MRPL1: variants seen among roughly 807,000 people sequenced by gnomAD.
The protein encoded by MRPL1 is large ribosomal subunit protein uL1m.
Under a neutral mutation model 38.0 loss-of-function variants are expected in MRPL1, and 28 were observed. That is an observed-to-expected ratio of 0.74 (90% CI 0.55 to 1.01). The LOEUF is 1.01. MRPL1 is among the 50% of genes least tolerant of loss of function. The pLI, the probability that MRPL1 is intolerant of heterozygous loss-of-function variation, is 0.00. For synonymous variants in MRPL1, 123 were observed against 126.7 expected (o/e 0.97, Z 0.20); for missense variants, 358 against 389.8 (o/e 0.92, Z 0.69).
At chr4:77,887,321 A>G (rs760430369) in intron 5 of MRPL1, 30 bp downstream of exon 5, 2 of 1,508,410 alleles carry the variant, frequency 1.3e-6, no homozygotes, top group Admixed American at 3.3e-5. Flanking sequence ...TTCATTAAGT[A>G]TAGAGATGAT....
intron 7 of MRPL1, among the ~76,000 whole-genome samples, chr4:77,941,222 G>A (rs1297781199): frequency 2.0e-5 from 3 of 150,838 alleles, no homozygotes; most frequent in Non-Finnish European, 2.9e-5. Flanking sequence ...CCAGGATCAC[G>A]CAATTGCACT....
chr4:77,883,186 TA>T (rs146792115), intron 2 of MRPL1, 55 bp from the exon 3 acceptor site: 107 of 1,121,406 alleles, frequency 9.5e-5, no homozygotes, highest in African/African-American at 4.1e-4. Context: ...GCTTTTTTTT[TA>T]AAAAAAATCT....
At chr4:77,892,383 C>T (rs1299202280) in intron 5 of MRPL1, among the ~76,000 whole-genome samples, 1 of 152,086 alleles carries the variant, frequency 6.6e-6, no homozygotes, top group Non-Finnish European at 1.5e-5. Context: ...TCCAACCTTC[C>T]TCGGCCTCCC....
intron 3 of MRPL1, 103 bp downstream of exon 3, chr4:77,883,603 C>A: frequency 8.3e-7 from 1 of 1,210,266 alleles, no homozygotes; most frequent in Non-Finnish European, 1.1e-6. Flanking sequence ...GAGACAGGGT[C>A]TTCTTGCCGT....
intron 6 of MRPL1, among the ~76,000 whole-genome samples, chr4:77,895,893 T>C (rs984278683): frequency 6.6e-5 from 10 of 152,156 alleles, no homozygotes; most frequent in Non-Finnish European, 1.5e-4. Flanking sequence ...ACTGAACATA[T>C]TTTAAAAATT....
intron 7 of MRPL1, among the ~76,000 whole-genome samples, chr4:77,947,585 A>T (rs1031155373): frequency 1.3e-5 from 2 of 152,230 alleles, no homozygotes; most frequent in African/African-American, 4.8e-5. Context: ...GGAAAGCACT[A>T]TTGGAAGTGC....
At chr4:77,922,956 G>T (rs1483530122) in intron 7 of MRPL1, among the ~76,000 whole-genome samples, 1 of 152,204 alleles carries the variant, frequency 6.6e-6, no homozygotes, top group Non-Finnish European at 1.5e-5. Context: ...TGAGTCATCT[G>T]CATATAGATA....
intron 6 of MRPL1, among the ~76,000 whole-genome samples, chr4:77,897,061 G>A (rs1464315810): frequency 6.6e-6 from 1 of 150,852 alleles, no homozygotes; most frequent in African/African-American, 2.5e-5. Flanking sequence ...AAACACTAGC[G>A]TGAAATATAT....
chr4:77,926,566 A>C (rs896979373), intron 7 of MRPL1, among the ~76,000 whole-genome samples: 1 of 150,330 alleles, frequency 6.7e-6, no homozygotes, highest in African/African-American at 2.4e-5. Flanking sequence ...TGTGAGAACT[A>C]TTTGACATGA....
chr4:77,874,610 T>C (rs747861321), intron 2 of MRPL1, among the ~76,000 whole-genome samples: 2 of 152,190 alleles, frequency 1.3e-5, no homozygotes, highest in Non-Finnish European at 2.9e-5. Context: ...GCCAGTATTT[T>C]TACCAGCAAG....
At chr4:77,940,703 A>G (rs983423103) in intron 7 of MRPL1, among the ~76,000 whole-genome samples, 1 of 152,108 alleles carries the variant, frequency 6.6e-6, no homozygotes, top group African/African-American at 2.4e-5. Context: ...CTTTTATTAC[A>G]TTAAGGTGTG....
chr4:77,863,483 G>C (rs74397014), intron 1 of MRPL1, among the ~76,000 whole-genome samples: 502 of 27,756 alleles, frequency 0.018, 6 homozygotes, highest in African/African-American at 0.076. Context: ...TTTTTTTTTT[G>C]AGACGGCAGT....
At chr4:77,903,142 A>G (rs959579117) in intron 6 of MRPL1, among the ~76,000 whole-genome samples, 1 of 152,240 alleles carries the variant, frequency 6.6e-6, no homozygotes. Flanking sequence ...ATATATGTAC[A>G]TAAAAATAAA....
chr4:77,897,841 A>T (rs1483531703), intron 6 of MRPL1, among the ~76,000 whole-genome samples: 1 of 152,240 alleles, frequency 6.6e-6, no homozygotes, highest in Non-Finnish European at 1.5e-5. Flanking sequence ...AAGGTAATGA[A>T]TTTGAAATTT....
At chr4:77,941,515 A>G (rs1270057808) in intron 7 of MRPL1, among the ~76,000 whole-genome samples, 1 of 151,924 alleles carries the variant, frequency 6.6e-6, no homozygotes, top group Non-Finnish European at 1.5e-5. Context: ...TTTTGTTGGC[A>G]GTTTTGTTGT....
At chr4:77,923,057 GT>G (rs1736617877) in intron 7 of MRPL1, among the ~76,000 whole-genome samples, 1 of 152,022 alleles carries the variant, frequency 6.6e-6, no homozygotes, top group Admixed American at 6.6e-5. Context: ...TTTAAAAGAG[GT>G]TTGATATTTA....
chr4:77,871,982 A>T lies in MRPL1; in HGVS notation c.143+127A>T, dbSNP rs184499679. 1.1e-3 allele frequency: 721 copies of T among 654,554 alleles called. 1 individual carries two copies. In the African/African-American group the frequency reaches 0.012, roughly 11 times the overall value. The allele number at this position is 654,554 out of a possible 1,614,324, so 40.5% of individuals were successfully genotyped here. ...AAAGTTTATTATTTCTGCTTCATCG[A>T]CCTTATAGTCCTGAAGGAAAGATAA... is the stretch of plus-strand genomic sequence containing the variant. On this transcript the variant is annotated intron_variant, in intron 2 of 8. Transcript: ENST00000315567.
intron 4 of MRPL1, among the ~76,000 whole-genome samples, chr4:77,886,219 A>C (rs1045091991): frequency 6.6e-6 from 1 of 152,036 alleles, no homozygotes; most frequent in Admixed American, 6.6e-5. Flanking sequence ...TCCAGGCTGG[A>C]GTACAGTGGT....
chr4:77,878,492 T>C (rs1326667576), intron 2 of MRPL1, among the ~76,000 whole-genome samples: 2 of 152,212 alleles, frequency 1.3e-5, no homozygotes, highest in Non-Finnish European at 2.9e-5. Flanking sequence ...ATGTAAAGGA[T>C]TCTTCAGCCT....
Sources: allele counts gnomAD v4.1 joint callset (sites outside exome capture counted in the v4.1 genomes callset), GRCh38; gene constraint gnomAD v4.1.1; transcripts MANE v1.5; gene names NCBI Gene and HGNC (gene_info 2026-07-23, HGNC 2026-07-21).